The following LRRIQ3 variants were observed in gnomAD, a reference collection of about 807,000 sequenced individuals.
The protein encoded by LRRIQ3 is leucine rich repeats and IQ motif containing 3.
In LRRIQ3, 75 loss-of-function variants were observed where a neutral mutation model predicts 59.3. The observed-to-expected ratio is 1.26, with a 90% confidence interval of 1.05 to 1.53. The LOEUF (loss-of-function observed/expected upper bound fraction) is 1.53, where lower values mean the gene tolerates loss of function less well. Among genes scored for constraint, LRRIQ3 ranks in the 40% most tolerant of loss-of-function variants. LRRIQ3 has a pLI of 0.00. For synonymous variants in LRRIQ3, 250 were observed against 231.3 expected, an observed-to-expected ratio of 1.08 and a Z score of -0.73; for missense variants, 831 against 710.0, an observed-to-expected ratio of 1.17 and a Z score of -1.94.
At chr1:74,166,330 G>C (rs573220861) in intron 3 of LRRIQ3, among the ~76,000 whole-genome samples, 1 of 151,380 alleles carries the variant, frequency 6.6e-6, no homozygotes, top group South Asian at 2.1e-4. Context: ...CATCCAGACT[G>C]TCTAGTTTAC....
At chr1:74,182,947 T>A (rs1288460335) in intron 2 of LRRIQ3, 86 bp from the exon 3 acceptor site, 5 of 682,028 alleles carry the variant, frequency 7.3e-6, no homozygotes, top group Non-Finnish European at 1.1e-5. Flanking sequence ...ACATATAAAA[T>A]TCAATATTCC....
chr1:74,118,695 T>C (rs1055698817), intron 4 of LRRIQ3, among the ~76,000 whole-genome samples: 2 of 151,996 alleles, frequency 1.3e-5, no homozygotes, highest in Admixed American at 1.3e-4. Flanking sequence ...TATAGAGATA[T>C]ATATATAGAG....
chr1:74,104,559 A>T (rs900717896), intron 5 of LRRIQ3, among the ~76,000 whole-genome samples: 1 of 152,034 alleles, frequency 6.6e-6, no homozygotes, highest in Non-Finnish European at 1.5e-5. Context: ...CATATCACCA[A>T]GTGAAAAGAA....
intron 1 of LRRIQ3, among the ~76,000 whole-genome samples, chr1:74,194,082 T>A (rs1022717891): frequency 6.6e-6 from 1 of 152,160 alleles, no homozygotes; most frequent in Non-Finnish European, 1.5e-5. Context: ...AGAATTGCCA[T>A]GGGCCGGTGC....
At chr1:74,079,173 A>T (rs1375624100) in intron 5 of LRRIQ3, among the ~76,000 whole-genome samples, 1 of 151,682 alleles carries the variant, frequency 6.6e-6, no homozygotes, top group Non-Finnish European at 1.5e-5. Flanking sequence ...TTTAGCTTTA[A>T]GTCCTCCTAC....
At chr1:74,079,236 G>C (rs1646245016) in intron 5 of LRRIQ3, among the ~76,000 whole-genome samples, 1 of 151,430 alleles carries the variant, frequency 6.6e-6, no homozygotes, top group Admixed American at 6.6e-5. Context: ...TCAAAATATG[G>C]CTCCTCACCA....
At chr1:74,190,514 T>C (rs1323796435) in intron 1 of LRRIQ3, among the ~76,000 whole-genome samples, 1 of 150,778 alleles carries the variant, frequency 6.6e-6, no homozygotes, top group South Asian at 2.1e-4. Context: ...ATTCCAGAAG[T>C]GTGGGACTTC....
intron 5 of LRRIQ3, among the ~76,000 whole-genome samples, chr1:74,095,956 T>A (rs904262668): frequency 6.6e-6 from 1 of 152,112 alleles, no homozygotes; most frequent in African/African-American, 2.4e-5. Context: ...ATGTGTATTA[T>A]ATTCTTTCAA....
chr1:74,128,052 G>C (rs1310731620), intron 4 of LRRIQ3, among the ~76,000 whole-genome samples: 1 of 151,884 alleles, frequency 6.6e-6, no homozygotes, highest in Admixed American at 6.6e-5. Context: ...TTCTCTCCTG[G>C]CCTAAAAGTT....
chr1:74,076,741 C>G (rs1180515186), intron 5 of LRRIQ3, among the ~76,000 whole-genome samples: 1 of 151,898 alleles, frequency 6.6e-6, no homozygotes, highest in Non-Finnish European at 1.5e-5. Flanking sequence ...AATTTGTCTC[C>G]AAGCAGTGAC....
intron 4 of LRRIQ3, among the ~76,000 whole-genome samples, chr1:74,137,220 A>G (rs1172831254): frequency 2.6e-5 from 4 of 151,952 alleles, no homozygotes; most frequent in Non-Finnish European, 5.9e-5. Context: ...AAATTAAACA[A>G]TCAACCTAAA....
intron 3 of LRRIQ3, among the ~76,000 whole-genome samples, chr1:74,161,780 T>C (rs1183942255): frequency 6.6e-6 from 1 of 151,826 alleles, no homozygotes; most frequent in Non-Finnish European, 1.5e-5. Flanking sequence ...GAGTGTCCCT[T>C]CCAGAGAACA....
intron 6 of LRRIQ3, among the ~76,000 whole-genome samples, chr1:74,053,490 C>A (rs1022844465): frequency 2.6e-5 from 4 of 151,982 alleles, no homozygotes; most frequent in African/African-American, 9.7e-5. Flanking sequence ...TGATAAAGAA[C>A]GTTATTAAAA....
At chr1:74,090,939 A>G in intron 5 of LRRIQ3, among the ~76,000 whole-genome samples, 1 of 152,150 alleles carries the variant, frequency 6.6e-6, no homozygotes, top group African/African-American at 2.4e-5. Flanking sequence ...AAAAAAATTA[A>G]AAGTCTTTTG....
At chr1:74,164,880 T>A (rs1286109754) in intron 3 of LRRIQ3, among the ~76,000 whole-genome samples, 1 of 151,574 alleles carries the variant, frequency 6.6e-6, no homozygotes, top group Non-Finnish European at 1.5e-5. Flanking sequence ...GTCTTTTGGC[T>A]ATGGATACCC....
At chr1:74,040,132 G>T (rs976355732) in intron 7 of LRRIQ3, among the ~76,000 whole-genome samples, 3 of 151,972 alleles carry the variant, frequency 2.0e-5, no homozygotes, top group Admixed American at 6.6e-5. Context: ...AACAAGCAAG[G>T]GTTGCAATCC....
At chr1:74,058,413 C>T (rs983962895) in intron 6 of LRRIQ3, among the ~76,000 whole-genome samples, 8 of 151,478 alleles carry the variant, frequency 5.3e-5, no homozygotes, top group African/African-American at 1.2e-4. Flanking sequence ...TCTTGTCATT[C>T]GCTACAACAT....
intron 6 of LRRIQ3, among the ~76,000 whole-genome samples, chr1:74,044,009 T>C (rs1053198487): frequency 6.6e-6 from 1 of 152,160 alleles, no homozygotes; most frequent in Non-Finnish European, 1.5e-5. Context: ...ATTTTCCTTA[T>C]TGCTTAAAAA....
chr1:74,030,202 A>G (rs1653657148), intron 7 of LRRIQ3, among the ~76,000 whole-genome samples: 1 of 152,086 alleles, frequency 6.6e-6, no homozygotes, highest in Non-Finnish European at 1.5e-5. Flanking sequence ...GCCCAAGGTA[A>G]TTTATAGATT....
Sources: allele counts gnomAD v4.1 joint callset (sites outside exome capture counted in the v4.1 genomes callset), GRCh38; gene constraint gnomAD v4.1.1; transcripts MANE v1.5; gene names NCBI Gene and HGNC (gene_info 2026-07-23, HGNC 2026-07-21).